The following TASP1 variants were observed in gnomAD, a reference collection of about 807,000 sequenced individuals.
The protein encoded by TASP1 is taspase 1.
Under a neutral mutation model 56.6 loss-of-function variants are expected in TASP1, and 16 were observed. The observed-to-expected ratio is 0.28, with a 90% CI of 0.19 to 0.43. The LOEUF (loss-of-function observed/expected upper bound fraction) is 0.43. Ranked by LOEUF, TASP1 falls within the 20% of genes least tolerant of loss-of-function variation. The pLI, the probability that TASP1 is intolerant of heterozygous loss-of-function variation, is 1.00. For missense variants in TASP1, 393 were observed against 511.6 expected, an observed-to-expected ratio of 0.77 and a Z score of 2.24; for synonymous variants, 179 against 184.2, an observed-to-expected ratio of 0.97 and a Z score of 0.23.
chr20:13,220,493 C>A, the TASP1 span, among the ~76,000 whole-genome samples: 1 of 152,166 alleles, frequency 6.6e-6, no homozygotes, highest in Non-Finnish European at 1.5e-5. Context: ...GGGCGCGGCA[C>A]CCCCGGGATG....
intron 6 of TASP1, among the ~76,000 whole-genome samples, chr20:13,574,438 A>T (rs1601303330): frequency 6.6e-6 from 1 of 152,346 alleles, no homozygotes; most frequent in East Asian, 1.9e-4. Flanking sequence ...AACCCAATAA[A>T]AATTACCAAG....
the TASP1 span, among the ~76,000 whole-genome samples, chr20:13,210,197 T>A: frequency 6.6e-6 from 1 of 152,304 alleles, no homozygotes; most frequent in African/African-American, 2.4e-5. Context: ...TTCTTTTCCA[T>A]TGGTGATTAG....
At chr20:13,319,509 G>A in the TASP1 span, among the ~76,000 whole-genome samples, 3 of 152,170 alleles carry the variant, frequency 2.0e-5, no homozygotes, top group East Asian at 1.9e-4. Context: ...AGAGAAGGGA[G>A]CTAGATAGGA....
the TASP1 span, among the ~76,000 whole-genome samples, chr20:13,161,159 A>G: frequency 6.6e-6 from 1 of 152,242 alleles, no homozygotes; most frequent in East Asian, 1.9e-4. Context: ...AAATGATTGG[A>G]TGTGGTGCAT....
intron 12 of TASP1, among the ~76,000 whole-genome samples, chr20:13,432,528 T>C (rs537453717): frequency 1.3e-5 from 2 of 152,242 alleles, no homozygotes; most frequent in Non-Finnish European, 1.5e-5. Flanking sequence ...ATAACTTTTA[T>C]AGAAAGTTCA....
chr20:13,543,202 G>A (rs542774293), intron 8 of TASP1, among the ~76,000 whole-genome samples: 1 of 152,234 alleles, frequency 6.6e-6, no homozygotes, highest in Admixed American at 6.5e-5. Flanking sequence ...ACTTCATACA[G>A]TGCAAATGTC....
the TASP1 span, among the ~76,000 whole-genome samples, chr20:13,249,960 A>G: frequency 2.6e-5 from 4 of 152,204 alleles, no homozygotes; most frequent in Admixed American, 2.6e-4. Flanking sequence ...TTCCTTTCCA[A>G]ATTGATGAAA....
chr20:13,200,374 T>C, the TASP1 span, among the ~76,000 whole-genome samples: 1 of 152,314 alleles, frequency 6.6e-6, no homozygotes, highest in East Asian at 1.9e-4. Context: ...GGGTGTCATC[T>C]CTACTGCAGG....
At chr20:13,617,644 A>C (rs958789826) in intron 4 of TASP1, among the ~76,000 whole-genome samples, 1 of 152,168 alleles carries the variant, frequency 6.6e-6, no homozygotes, top group African/African-American at 2.4e-5. Flanking sequence ...ATGTACAGGA[A>C]ACTGGAGATG....
the TASP1 span, among the ~76,000 whole-genome samples, chr20:13,250,952 AG>A: frequency 6.6e-6 from 1 of 152,136 alleles, no homozygotes; most frequent in Admixed American, 6.5e-5. Context: ...AAACATCCTG[AG>A]AATTATTTTA....
the TASP1 span, among the ~76,000 whole-genome samples, chr20:13,148,465 C>T: frequency 3.9e-5 from 6 of 152,178 alleles, no homozygotes; most frequent in East Asian, 1.9e-4. Flanking sequence ...GTGAAAGCTT[C>T]GGAGCATGTA....
intron 4 of TASP1, among the ~76,000 whole-genome samples, chr20:13,610,692 GT>G (rs199848786): frequency 4.1e-4 from 62 of 149,568 alleles, no homozygotes; most frequent in East Asian, 1.2e-3. Context: ...AACTTACAAA[GT>G]TTTTTTTTTA....
chr20:13,122,876 T>C, the TASP1 span, among the ~76,000 whole-genome samples: 1 of 152,174 alleles, frequency 6.6e-6, no homozygotes, highest in Admixed American at 6.5e-5. Context: ...AATCCTTGGT[T>C]TGATGTATGG....
the TASP1 span, among the ~76,000 whole-genome samples, chr20:13,284,993 A>T: frequency 2.0e-5 from 3 of 152,192 alleles, no homozygotes; most frequent in South Asian, 6.2e-4. Context: ...GCTGCTTAGA[A>T]AACCACCCCC....
the TASP1 span, among the ~76,000 whole-genome samples, chr20:13,264,523 C>T: frequency 0.014 from 2,124 of 152,260 alleles, 23 homozygotes; most frequent in Non-Finnish European, 0.02. Context: ...CTAATTTGCC[C>T]TGTGGCTTGG....
At chr20:13,634,371 G>A (rs1163717353) in intron 1 of TASP1, among the ~76,000 whole-genome samples, 1 of 152,224 alleles carries the variant, frequency 6.6e-6, no homozygotes, top group Admixed American at 6.5e-5. Flanking sequence ...CTTAGAGCTG[G>A]AGGGATGGAA....
At chr20:13,359,455 A>G in the TASP1 span, among the ~76,000 whole-genome samples, 5 of 151,602 alleles carry the variant, frequency 3.3e-5, no homozygotes, top group African/African-American at 1.2e-4. Context: ...CGATGGCCTC[A>G]GAAGCCCCCT....
the TASP1 span, among the ~76,000 whole-genome samples, chr20:13,238,388 A>C: frequency 6.6e-6 from 1 of 152,356 alleles, no homozygotes; most frequent in Middle Eastern, 3.4e-3. Context: ...CAAAATGGCA[A>C]AATTCATAGC....
the TASP1 span, chr20:13,280,007 T>A: frequency 9.3e-7 from 1 of 1,076,430 alleles, no homozygotes; most frequent in Non-Finnish European, 1.3e-6. Context: ...CTTTTGGTCT[T>A]CTGTGAGGCA....
Sources: allele counts gnomAD v4.1 joint callset (sites outside exome capture counted in the v4.1 genomes callset), GRCh38; gene constraint gnomAD v4.1.1; transcripts MANE v1.5; gene names NCBI Gene and HGNC (gene_info 2026-07-23, HGNC 2026-07-21).